CNTN5: variants seen among roughly 807,000 people sequenced by gnomAD.
The protein encoded by CNTN5 is contactin 5, also known as contactin-5.
In CNTN5, 77 loss-of-function variants were observed where a neutral mutation model predicts 129.1. That is an observed-to-expected ratio of 0.60 (90% CI 0.50 to 0.72). The LOEUF (loss-of-function observed/expected upper bound fraction) is 0.72. Ranked by LOEUF, CNTN5 falls within the 30% of genes least tolerant of loss-of-function variation. The probability of loss-of-function intolerance (pLI) is 0.00; values close to 1 mark genes in which losing one functional copy is unlikely to be tolerated. For missense variants in CNTN5, 1,478 were observed against 1,328.8 expected (o/e 1.11, Z -1.75); for synonymous variants, 509 against 465.6 (o/e 1.09, Z -1.20).
At chr11:99,155,186 C>G (rs1025902595) in intron 1 of CNTN5, among the ~76,000 whole-genome samples, 1 of 152,096 alleles carries the variant, frequency 6.6e-6, no homozygotes, top group African/African-American at 2.4e-5. Flanking sequence ...TGCAGGATAC[C>G]CAGCTATTTC....
intron 1 of CNTN5, among the ~76,000 whole-genome samples, chr11:99,134,101 A>G (rs1386321081): frequency 1.3e-5 from 2 of 152,174 alleles, no homozygotes; most frequent in Non-Finnish European, 2.9e-5. Context: ...TATCTTTTGC[A>G]GGGACATGAA....
chr11:99,932,809 A>C (rs942420479), intron 7 of CNTN5, among the ~76,000 whole-genome samples: 1 of 152,194 alleles, frequency 6.6e-6, no homozygotes, highest in Non-Finnish European at 1.5e-5. Flanking sequence ...AAAGTAACAA[A>C]GGATTTATTC....
chr11:99,976,161 T>C (rs748059286), intron 8 of CNTN5, among the ~76,000 whole-genome samples: 1 of 152,246 alleles, frequency 6.6e-6, no homozygotes, highest in Non-Finnish European at 1.5e-5. Context: ...ACTCCACGTC[T>C]CACATCCAGG....
intron 1 of CNTN5, among the ~76,000 whole-genome samples, chr11:99,229,611 G>A (rs551562232): frequency 9.9e-5 from 15 of 150,958 alleles, no homozygotes; most frequent in Non-Finnish European, 2.1e-4. Flanking sequence ...GAAAGAAGCC[G>A]TAATTGTTAC....
chr11:100,053,011 T>C (rs1943033204), intron 9 of CNTN5, among the ~76,000 whole-genome samples: 1 of 151,724 alleles, frequency 6.6e-6, no homozygotes, highest in Non-Finnish European at 1.5e-5. Flanking sequence ...GTTAAATAAG[T>C]TGATCCTTTA....
At chr11:99,744,380 A>G (rs564062628) in intron 3 of CNTN5, among the ~76,000 whole-genome samples, 19 of 151,826 alleles carry the variant, frequency 1.3e-4, no homozygotes, top group Non-Finnish European at 2.6e-4. Flanking sequence ...TAAGGACGTA[A>G]GACACCTAGG....
chr11:99,297,702 G>A (rs1277041360), intron 1 of CNTN5, among the ~76,000 whole-genome samples: 1 of 152,046 alleles, frequency 6.6e-6, no homozygotes, highest in Non-Finnish European at 1.5e-5. Context: ...TAAAATACTG[G>A]CTTCGATCTC....
At chr11:99,634,549 A>G (rs929786370) in intron 3 of CNTN5, among the ~76,000 whole-genome samples, 1 of 152,188 alleles carries the variant, frequency 6.6e-6, no homozygotes, top group African/African-American at 2.4e-5. Context: ...TGGCCCTGAT[A>G]CTTAGTACTT....
chr11:99,168,055 T>G (rs1333972231), intron 1 of CNTN5, among the ~76,000 whole-genome samples: 1 of 151,984 alleles, frequency 6.6e-6, no homozygotes, highest in Non-Finnish European at 1.5e-5. Flanking sequence ...CCCCACTGCC[T>G]GCCAAGCCTC....
chr11:99,660,350 T>C lies in CNTN5; in HGVS notation c.55+104081T>C, dbSNP rs1334136920. 3.9e-5 allele frequency among the ~76,000 whole-genome samples: 6 copies of C among 152,232 alleles called. No homozygotes were observed. The East Asian group carries it at 9.7e-4, about 24-fold the overall frequency. On this transcript the variant is annotated intron_variant, in intron 3 of 24. Transcript: ENST00000524871. Reference sequence around the variant, plus strand: ...TTTTGTGAAGTGGGGCCAAGGAAGATTACAAATTGGCCTGAGGAAAGTTTT... The same window carrying C: ...TTTTGTGAAGTGGGGCCAAGGAAGACTACAAATTGGCCTGAGGAAAGTTTT...
intron 1 of CNTN5, among the ~76,000 whole-genome samples, chr11:99,141,034 CCTT>C (rs1859489882): frequency 6.6e-6 from 1 of 152,042 alleles, no homozygotes; most frequent in Admixed American, 6.6e-5. Context: ...AGGAGTCCAT[CCTT>C]CTCAATTTTT....
At chr11:99,898,031 A>G (rs1949253937) in intron 6 of CNTN5, among the ~76,000 whole-genome samples, 1 of 152,178 alleles carries the variant, frequency 6.6e-6, no homozygotes, top group South Asian at 2.1e-4. Context: ...AGTTTAATGA[A>G]AATAGCAACA....
At chr11:99,826,690 T>A (rs1034399392) in intron 4 of CNTN5, among the ~76,000 whole-genome samples, 4 of 152,168 alleles carry the variant, frequency 2.6e-5, no homozygotes, top group Admixed American at 2.6e-4. Context: ...AAACTGCACG[T>A]TATATATTAT....
At chr11:99,951,614 C>A (rs181519511) in intron 7 of CNTN5, among the ~76,000 whole-genome samples, 137 of 152,284 alleles carry the variant, frequency 9.0e-4, no homozygotes, top group African/African-American at 3.1e-3. Context: ...TCTAATATTT[C>A]ATCTAACTTA....
chr11:99,410,342 G>A (rs1203590417), intron 2 of CNTN5, among the ~76,000 whole-genome samples: 3 of 152,024 alleles, frequency 2.0e-5, no homozygotes. Flanking sequence ...TAAGGAAATA[G>A]GTGAAAACAA....
At chr11:99,989,188 T>C (rs967802336) in intron 8 of CNTN5, among the ~76,000 whole-genome samples, 6 of 152,172 alleles carry the variant, frequency 3.9e-5, no homozygotes, top group African/African-American at 1.4e-4. Context: ...AAGAGTCCCA[T>C]AGAAGTATTC....
At chr11:99,544,670 G>A (rs934788556) in intron 2 of CNTN5, among the ~76,000 whole-genome samples, 32 of 152,162 alleles carry the variant, frequency 2.1e-4, no homozygotes, top group African/African-American at 7.0e-4. Flanking sequence ...TTTCAAAGGA[G>A]TTAATGAAAT....
At chr11:100,124,479 A>G (rs1010948550) in intron 13 of CNTN5, among the ~76,000 whole-genome samples, 1 of 151,982 alleles carries the variant, frequency 6.6e-6, no homozygotes. Flanking sequence ...AAAGCTATAA[A>G]AGAAATAAAG....
At position 99,091,726 on chromosome 11, in the gene CNTN5, T is replaced by C. The variant is rs569329452; in HGVS notation, c.-210+70456T>C. ...TGTCACCCTCCAGTTTCCTGCTAGG[T>C]GTCTCATTAGCTAAAGGCTGGTTGG... On this transcript the variant is annotated intron_variant, in intron 1 of 24. Coordinates refer to ENST00000524871, the MANE Select transcript of CNTN5 (RefSeq NM_014361.4). Among the ~76,000 whole-genome samples, 58 of 152,278 alleles carry C rather than the reference T, an allele frequency of 3.8e-4. 2 individuals carry two copies. In the South Asian group the frequency reaches 0.012, roughly 32 times the overall value.
Sources: gnomAD v4.1 joint callset for allele counts (sites outside exome capture counted in the v4.1 genomes callset) on GRCh38, gnomAD v4.1.1 for gene constraint, MANE v1.5 for transcripts, NCBI Gene and HGNC (gene_info 2026-07-23, HGNC 2026-07-21) for gene names.